Variants in IL1RAPL1 observed in about 807,000 individuals in gnomAD.
IL1RAPL1 encodes the protein interleukin-1 receptor accessory protein-like 1.
IL1RAPL1 carries 3 observed loss-of-function variants against 48.4 expected under a neutral mutation model. The ratio of observed to expected loss-of-function variants is 0.06; its 90% CI spans 0.03 to 0.16. IL1RAPL1 has a LOEUF of 0.16. Ranked by LOEUF, IL1RAPL1 falls within the 10% of genes least tolerant of loss-of-function variation. The pLI, the probability that IL1RAPL1 is intolerant of heterozygous loss-of-function variation, is 1.00. For synonymous variants in IL1RAPL1, 185 were observed against 187.7 expected (o/e 0.99, Z 0.12); for missense variants, 349 against 530.6 (o/e 0.66, Z 3.36).
chrX:28,743,405 T>G (rs1426501635), intron 1 of IL1RAPL1, among the ~76,000 whole-genome samples: 1 of 112,012 alleles, frequency 8.9e-6, no homozygotes, highest in Non-Finnish European at 1.9e-5. Context: ...CGGAAAATAT[T>G]TGTTGTTTGA....
intron 5 of IL1RAPL1, among the ~76,000 whole-genome samples, chrX:29,477,068 G>C (rs930031025): frequency 1.9e-5 from 2 of 107,810 alleles, no homozygotes; most frequent in Non-Finnish European, 3.8e-5. Context: ...TTTTAGTAGA[G>C]ACGGGGTTTC....
At chrX:29,390,485 T>G in intron 3 of IL1RAPL1, among the ~76,000 whole-genome samples, 1 of 111,863 alleles carries the variant, frequency 8.9e-6, no homozygotes. Flanking sequence ...ACACACTACT[T>G]CATGAAGTAG....
intron 5 of IL1RAPL1, among the ~76,000 whole-genome samples, chrX:29,608,387 C>CA (rs372371455): frequency 4.2e-4 from 26 of 62,484 alleles, no homozygotes; most frequent in South Asian, 1.4e-3. Flanking sequence ...GAAGGGGTTT[C>CA]AAAAAAAAAA....
At chrX:28,810,374 T>G (rs1363308228) in intron 2 of IL1RAPL1, among the ~76,000 whole-genome samples, 2 of 110,803 alleles carry the variant, frequency 1.8e-5, no homozygotes, top group African/African-American at 3.3e-5. Context: ...ATGAGTGTGA[T>G]TTCATGGGAG....
At chrX:28,917,208 A>C (rs1459329353) in intron 2 of IL1RAPL1, among the ~76,000 whole-genome samples, 1 of 111,850 alleles carries the variant, frequency 8.9e-6, no homozygotes, top group African/African-American at 3.2e-5. Context: ...GATACAGAAA[A>C]GATAATATAA....
chrX:28,720,393 T>C (rs1459947100), intron 1 of IL1RAPL1, among the ~76,000 whole-genome samples: 1 of 111,824 alleles, frequency 8.9e-6, no homozygotes, highest in Non-Finnish European at 1.9e-5. Context: ...GCTCTGATAC[T>C]AGTTGCAGCT....
At chrX:29,258,346 C>G (rs114380474) in intron 2 of IL1RAPL1, among the ~76,000 whole-genome samples, 4,119 of 111,368 alleles carry the variant, frequency 0.037, 178 homozygotes, top group African/African-American at 0.12. Context: ...CTAATTTTCA[C>G]GTCACAAAAA....
intron 2 of IL1RAPL1, among the ~76,000 whole-genome samples, chrX:29,119,852 A>T (rs983725686): frequency 8.9e-6 from 1 of 111,770 alleles, no homozygotes; most frequent in African/African-American, 3.2e-5. Context: ...ACACAAGATA[A>T]TTCTGTTGTT....
chrX:29,183,724 G>T (rs1226013983), intron 2 of IL1RAPL1, among the ~76,000 whole-genome samples: 1 of 111,736 alleles, frequency 8.9e-6, no homozygotes, highest in Non-Finnish European at 1.9e-5. Flanking sequence ...ACAGAATTTT[G>T]CTCATGTTGC....
chrX:28,746,142 A>G (rs1935974494), intron 1 of IL1RAPL1, among the ~76,000 whole-genome samples: 1 of 111,222 alleles, frequency 9.0e-6, no homozygotes, highest in African/African-American at 3.3e-5. Flanking sequence ...TGTGGCACAT[A>G]TACACCATGG....
intron 2 of IL1RAPL1, among the ~76,000 whole-genome samples, chrX:29,264,393 G>A (rs1170628186): frequency 1.8e-5 from 2 of 110,853 alleles, no homozygotes; most frequent in African/African-American, 6.5e-5. Flanking sequence ...TGATAGTGAA[G>A]CAGTGAGGGA....
intron 2 of IL1RAPL1, among the ~76,000 whole-genome samples, chrX:29,184,154 T>G (rs1930204628): frequency 8.9e-6 from 1 of 111,917 alleles, no homozygotes; most frequent in Non-Finnish European, 1.9e-5. Flanking sequence ...ATATTTCTAT[T>G]ATAAAATATA....
intron 5 of IL1RAPL1, among the ~76,000 whole-genome samples, chrX:29,605,121 CACACACGGAG>C (rs1923850993): frequency 2.2e-5 from 2 of 91,257 alleles, no homozygotes; most frequent in Non-Finnish European, 4.3e-5. Context: ...CACACACACA[CACACACGGAG>C]GGAGGGAGGG....
intron 6 of IL1RAPL1, among the ~76,000 whole-genome samples, chrX:29,690,014 A>G (rs1926732430): frequency 9.0e-6 from 1 of 111,710 alleles, no homozygotes; most frequent in African/African-American, 3.3e-5. Context: ...GCAAAAAGTA[A>G]TAGAGTAGGA....
At chrX:28,964,070 C>T (rs1187899177) in intron 2 of IL1RAPL1, among the ~76,000 whole-genome samples, 6 of 111,291 alleles carry the variant, frequency 5.4e-5, no homozygotes, top group Non-Finnish European at 1.1e-4. Flanking sequence ...TTAAATATGA[C>T]ATCATTTAAA....
chrX:29,361,542 AACACACACACAC>A (rs35694893), intron 3 of IL1RAPL1, among the ~76,000 whole-genome samples: 3 of 100,984 alleles, frequency 3.0e-5, no homozygotes, highest in Non-Finnish European at 6.1e-5. Flanking sequence ...AACTACCTTA[AACACACACACAC>A]ACACACACAC....
chrX:29,454,245 T>A (rs1482133365), intron 5 of IL1RAPL1, among the ~76,000 whole-genome samples: 2 of 112,325 alleles, frequency 1.8e-5, no homozygotes, highest in South Asian at 3.6e-4. Context: ...CAATTTTAGA[T>A]GTGTCTGAAA....
At chrX:28,865,078 C>A (rs1244777410) in intron 2 of IL1RAPL1, among the ~76,000 whole-genome samples, 1 of 111,244 alleles carries the variant, frequency 9.0e-6, no homozygotes, top group Non-Finnish European at 1.9e-5. Context: ...TTTCTATTTG[C>A]GTCAGGTAGA....
Position 28,873,523 on chromosome X carries a change from C to CTT in IL1RAPL1, c.82+84123_82+84124dup, listed in dbSNP as rs10554661. On this transcript the variant is annotated intron_variant, in intron 2 of 10. Coordinates refer to ENST00000378993, the MANE Select transcript of IL1RAPL1 (RefSeq NM_014271.4). ...TTCTCAATTATTGTTTTCTTTCTTT[C>CTT]TTTTTTTTTTTTTTTTTTTTTTTTT... 7.6e-4 allele frequency among the ~76,000 whole-genome samples: 43 copies of CTT among 56,658 alleles called. 3 individuals carry two copies. The highest frequency in any genetic ancestry group is 2.6e-3 in the African/African-American group (32 of 12,403). The allele number at this position is 56,658 out of a possible 115,157, so 49.2% of individuals were successfully genotyped here.
Sources: gnomAD v4.1 joint callset for allele counts (sites outside exome capture counted in the v4.1 genomes callset) on GRCh38, gnomAD v4.1.1 for gene constraint, MANE v1.5 for transcripts, NCBI Gene and HGNC (gene_info 2026-07-23, HGNC 2026-07-21) for gene names.